The following CTNNA3 variants were observed in gnomAD, a reference collection of about 807,000 sequenced individuals.
CTNNA3 encodes catenin alpha-3.
Under a neutral mutation model 95.7 loss-of-function variants are expected in CTNNA3, and 76 were observed. The observed-to-expected ratio is 0.79, with a 90% CI of 0.66 to 0.96. The LOEUF is 0.96. CTNNA3 is among the 40% of genes least tolerant of loss of function. The pLI, the probability that CTNNA3 is intolerant of heterozygous loss-of-function variation, is 0.00. For missense variants in CTNNA3, 1,191 were observed against 1,089.8 expected, an observed-to-expected ratio of 1.09 and a Z score of -1.31; for synonymous variants, 431 against 374.4, an observed-to-expected ratio of 1.15 and a Z score of -1.74.
chr10:67,616,154 C>A, intron 2 of CTNNA3, among the ~76,000 whole-genome samples: 1 of 152,102 alleles, frequency 6.6e-6, no homozygotes, highest in East Asian at 1.9e-4. Context: ...GAAACAGGCG[C>A]AAAGGTTCCA....
chr10:65,930,900 A>T (rs1467635117), intron 17 of CTNNA3, among the ~76,000 whole-genome samples: 1 of 152,190 alleles, frequency 6.6e-6, no homozygotes, highest in African/African-American at 2.4e-5. Context: ...GAGCAATGGG[A>T]TGCATAGATT....
intron 1 of CTNNA3, among the ~76,000 whole-genome samples, chr10:67,729,549 T>C (rs1036988923): frequency 6.6e-6 from 1 of 152,160 alleles, no homozygotes; most frequent in Non-Finnish European, 1.5e-5. Context: ...AGGAAGGACA[T>C]TAATAAACTT....
At chr10:66,874,151 C>A (rs978917261) in intron 7 of CTNNA3, among the ~76,000 whole-genome samples, 18 of 151,988 alleles carry the variant, frequency 1.2e-4, no homozygotes, top group Admixed American at 9.8e-4. Context: ...GTCTCAGGAA[C>A]AAGTGTACCT....
intron 7 of CTNNA3, among the ~76,000 whole-genome samples, chr10:66,778,012 A>G (rs2132833331): frequency 6.6e-6 from 1 of 152,312 alleles, no homozygotes; most frequent in Non-Finnish European, 1.5e-5. Flanking sequence ...TATAAAAATT[A>G]TTCCCTAATT....
chr10:67,610,269 T>A (rs1843415588), intron 2 of CTNNA3, among the ~76,000 whole-genome samples: 1 of 152,196 alleles, frequency 6.6e-6, no homozygotes, highest in Non-Finnish European at 1.5e-5. Flanking sequence ...TTCCTTATAA[T>A]AAATGCCAGA....
rs529282993 is a variant in CTNNA3, at chr10:66,310,710, G to A, written c.1733-30089C>T. On this transcript the variant is annotated intron_variant, in intron 12 of 17. Coordinates refer to ENST00000433211, the MANE Select transcript of CTNNA3 (RefSeq NM_013266.4). ...ACTTTTTTTTTTTTTTTTTTTAGGC[G>A]GAGTCTGGCTCTGTCTCCCAGGCTG... Among the ~76,000 whole-genome samples the A allele has an allele frequency of 6.3e-5, 9 of 143,826 alleles. No homozygotes were observed. In the South Asian group the frequency reaches 6.5e-4, roughly 10 times the overall value. 94.4% of individuals were successfully genotyped at this position (143,826 alleles called of 152,430 possible).
chr10:66,196,702 C>A (rs1422646097), intron 13 of CTNNA3, among the ~76,000 whole-genome samples: 2 of 152,128 alleles, frequency 1.3e-5, no homozygotes, highest in Admixed American at 1.3e-4. Context: ...GAATGGAGAG[C>A]CTCTTTAAAT....
At chr10:67,639,910 G>C (rs113440524) in intron 2 of CTNNA3, among the ~76,000 whole-genome samples, 20,148 of 152,012 alleles carry the variant, frequency 0.13, 2,380 homozygotes, top group African/African-American at 0.32. Flanking sequence ...ATACTGAATG[G>C]GCAAAAACTG....
intron 7 of CTNNA3, among the ~76,000 whole-genome samples, chr10:66,822,747 T>C (rs936365026): frequency 1.3e-5 from 2 of 152,136 alleles, no homozygotes; most frequent in African/African-American, 4.8e-5. Context: ...AACAAACAAA[T>C]ACTTGTGGAT....
At chr10:66,059,469 A>G (rs2080152148) in intron 15 of CTNNA3, among the ~76,000 whole-genome samples, 1 of 152,150 alleles carries the variant, frequency 6.6e-6, no homozygotes, top group Non-Finnish European at 1.5e-5. Context: ...CCCTATTTAT[A>G]TCTCAGCTCC....
intron 2 of CTNNA3, among the ~76,000 whole-genome samples, chr10:67,645,193 G>GCACA (rs113262576): frequency 0.069 from 10,243 of 149,152 alleles, 1,167 homozygotes; most frequent in African/African-American, 0.24. Context: ...GCACGTGCGC[G>GCACA]CACACACACA....
intron 7 of CTNNA3, among the ~76,000 whole-genome samples, chr10:66,916,357 C>T (rs557610975): frequency 1.3e-4 from 20 of 152,112 alleles, no homozygotes; most frequent in African/African-American, 4.3e-4. Context: ...ATTAAAATAT[C>T]AACAAAATTC....
intron 9 of CTNNA3, among the ~76,000 whole-genome samples, chr10:66,745,300 T>TTTAG (rs1838816582): frequency 6.6e-6 from 1 of 152,238 alleles, no homozygotes; most frequent in Non-Finnish European, 1.5e-5. Context: ...TTACCTCATA[T>TTTAG]TTAGTTATTC....
chr10:67,230,866 C>A (rs561790983), intron 5 of CTNNA3, among the ~76,000 whole-genome samples: 8 of 152,176 alleles, frequency 5.3e-5, no homozygotes, highest in African/African-American at 1.9e-4. Flanking sequence ...ACTCGGGAAG[C>A]GCAGGGGGTC....
intron 14 of CTNNA3, among the ~76,000 whole-genome samples, chr10:66,101,418 T>C (rs569948729): frequency 1.3e-5 from 2 of 152,334 alleles, no homozygotes; most frequent in African/African-American, 4.8e-5. Context: ...ATATTCCTAT[T>C]ACCAAAATTT....
At chr10:67,332,620 T>C (rs1029555256) in intron 5 of CTNNA3, among the ~76,000 whole-genome samples, 1 of 152,202 alleles carries the variant, frequency 6.6e-6, no homozygotes, top group Non-Finnish European at 1.5e-5. Context: ...TCAGGTAAAC[T>C]GCCCTAAGCT....
chr10:66,608,395 G>A lies in CTNNA3; in HGVS notation c.1374+13297C>T, dbSNP rs554419677. ...GCCCAAAGCAATTTATAGATTCAAT[G>A]CTATTCCTATTAAACTACCAATGAC... On this transcript the variant is annotated intron_variant, in intron 10 of 17. Transcript: ENST00000433211. Among the ~76,000 whole-genome samples the A allele has an allele frequency of 1.1e-4, 17 of 152,160 alleles. 1 individual carries two copies. In the South Asian group the frequency reaches 3.5e-3, roughly 32 times the overall value.
At position 67,450,203 on chromosome 10, in the gene CTNNA3, G is replaced by GT. The variant is rs1315368251; in HGVS notation, c.579+71638dup. Reference sequence around the variant, plus strand: ...ACACTTATATATTGTTGATGGGAGTGTAAGTTAGTTCAACCATTGTGGAAC... The same window carrying GT: ...ACACTTATATATTGTTGATGGGAGTGTTAAGTTAGTTCAACCATTGTGGAAC... On this transcript the variant is annotated intron_variant, in intron 5 of 17. Transcript: ENST00000433211. 9.2e-5 allele frequency among the ~76,000 whole-genome samples: 14 copies of GT among 152,262 alleles called. No homozygotes were observed. The East Asian group carries it at 2.7e-3, about 29-fold the overall frequency.
chr10:66,639,793 A>G (rs1273995074), intron 9 of CTNNA3, among the ~76,000 whole-genome samples: 3 of 152,166 alleles, frequency 2.0e-5, no homozygotes. Flanking sequence ...TTATGTTTAA[A>G]TAAGTATGCA....
Sources: gnomAD v4.1 joint callset for allele counts (sites outside exome capture counted in the v4.1 genomes callset) on GRCh38, gnomAD v4.1.1 for gene constraint, MANE v1.5 for transcripts, NCBI Gene and HGNC (gene_info 2026-07-23, HGNC 2026-07-21) for gene names.